Variants in GPR107 observed in about 807,000 individuals in gnomAD.
The protein encoded by GPR107 is protein GPR107.
In GPR107, 31 loss-of-function variants were observed where a neutral mutation model predicts 75.5. The ratio of observed to expected loss-of-function variants is 0.41; its 90% CI spans 0.31 to 0.55. The LOEUF is 0.55. Ranked by LOEUF, GPR107 falls within the 20% of genes least tolerant of loss-of-function variation. GPR107 has a pLI of 0.26. For missense variants in GPR107, 572 were observed against 665.7 expected, an observed-to-expected ratio of 0.86 and a Z score of 1.55; for synonymous variants, 267 against 251.3, an observed-to-expected ratio of 1.06 and a Z score of -0.59.
chr9:130,125,452 C>T (rs1476599472), intron 15 of GPR107, among the ~76,000 whole-genome samples: 3 of 150,574 alleles, frequency 2.0e-5, no homozygotes, highest in African/African-American at 7.3e-5. Context: ...AAGATGGACT[C>T]CAACTCCTGG....
At chr9:130,121,364 AT>A (rs1023862725) in intron 14 of GPR107, among the ~76,000 whole-genome samples, 11 of 152,238 alleles carry the variant, frequency 7.2e-5, no homozygotes, top group African/African-American at 2.4e-4. Flanking sequence ...AAAAAATCTT[AT>A]AATGTTTTAA....
intron 1 of GPR107, among the ~76,000 whole-genome samples, chr9:130,058,670 G>A (rs1006998642): frequency 3.5e-4 from 53 of 152,010 alleles, no homozygotes; most frequent in Non-Finnish European, 1.3e-4. Flanking sequence ...TTGCCATGGC[G>A]GCAAGGCTTG....
chr9:130,082,451 C>T (rs1830513934), intron 5 of GPR107, among the ~76,000 whole-genome samples: 1 of 151,296 alleles, frequency 6.6e-6, no homozygotes, highest in Non-Finnish European at 1.5e-5. Context: ...AGCCTGAAGT[C>T]CAGTCTTTCC....
chr9:130,099,305 A>C (rs1830955548), intron 9 of GPR107, 152 bp from the exon 10 acceptor site: 1 of 582,694 alleles, frequency 1.7e-6, no homozygotes, highest in Non-Finnish European at 3.1e-6. Context: ...ACAGAATAAG[A>C]CCCTGTCTCA....
Position 130,135,099 on chromosome 9 carries a change from G to C in GPR107, c.1637G>C (p.Gly546Ala). 1 of 1,608,230 alleles carries C rather than the reference G, an allele frequency of 6.2e-7. No individual in the cohort carries two copies. Among genetic ancestry groups the C allele is most frequent in the Non-Finnish European group, 8.5e-7 (1 of 1,175,964 alleles). Residue 546 changes from glycine to alanine, a missense_variant, in exon 18 of 18, where the codon GGC (glycine) becomes GCC (alanine). Coordinates refer to ENST00000347136, the MANE Select transcript of GPR107 (RefSeq NM_020960.5). ...ACCAACGGCTCCGTGGAGCCCCAGG[G>C]CGAGTGGGAAGGCGCCGTGTGACAG... ...KVTNGSVEPQ[G>A]EWEGAV
At position 130,076,469 on chromosome 9, in the gene GPR107, A is replaced by ATT. The variant is rs774932201; in HGVS notation, c.306+8_306+9dup. The stretch of plus-strand genomic sequence containing the variant: ...TGGCTTTTCTTCTTACCTGGTGAGT[A>ATT]TTAAATGTGTGACCTGATTCATCTC... On this transcript the variant is annotated splice_region_variant and intron_variant, in intron 3 of 17. Transcript: ENST00000347136. 7 of 1,544,294 alleles carry ATT rather than the reference A, an allele frequency of 4.5e-6. No homozygotes were observed. In the East Asian group the frequency reaches 1.6e-4, roughly 35 times the overall value.
In GPR107 at chr9:130,099,489, C is replaced by G; in HGVS notation, c.896C>G (p.Ala299Gly). ...NDVFKIHWLM[A>G]ALPFTKSLSL... The stretch of plus-strand genomic sequence containing the variant: ...GTATTTAAAATCCACTGGCTGATGG[C>G]GGCCCTTCCTTTCACCAAGTCTCTT... The change falls in exon 10 of 18, where the codon GCG (alanine) becomes GGG (glycine). Residue 299 changes from alanine to glycine, a missense_variant. Coordinates refer to ENST00000347136, the MANE Select transcript of GPR107 (RefSeq NM_020960.5). The G allele has an allele frequency of 6.2e-7, 1 of 1,601,846 alleles. No individual in the cohort carries two copies. The highest frequency in any genetic ancestry group is 8.6e-7 in the Non-Finnish European group (1 of 1,169,028).
At position 130,135,928 on chromosome 9, in the gene GPR107, C is replaced by T. The variant is rs1831945781; in HGVS notation, c.*807C>T. 6.6e-6 allele frequency: 1 copy of T among 152,220 alleles called. No individual in the cohort carries two copies. The highest frequency in any genetic ancestry group is 1.5e-5 in the Non-Finnish European group (1 of 68,040). The allele number at this position is 152,220 out of a possible 1,614,324, so 9.4% of individuals were successfully genotyped here. On this transcript the variant is annotated 3_prime_UTR_variant, in exon 18 of 18. Transcript: ENST00000347136. ...TATCCTGTGGCGTTGCCTGGACATC[C>T]ACTCCCTGACAGCCCAGAGCAGCAC...
At chr9:130,070,792 A>C (rs964211139) in intron 1 of GPR107, among the ~76,000 whole-genome samples, 3 of 151,680 alleles carry the variant, frequency 2.0e-5, no homozygotes, top group South Asian at 2.1e-4. Flanking sequence ...ATCATAGCTC[A>C]CAGTAGCCTC....
intron 16 of GPR107, among the ~76,000 whole-genome samples, chr9:130,128,067 A>G (rs1240818805): frequency 6.6e-6 from 1 of 152,222 alleles, no homozygotes; most frequent in African/African-American, 2.4e-5. Context: ...GCTGGATTCT[A>G]TGAGGAATCT....
chr9:130,127,518 A>G lies in GPR107; in HGVS notation c.1392A>G (p.Ala464=). Residue 464 remains alanine, a synonymous_variant, in exon 16 of 18, where the codon GCA becomes GCG. Coordinates refer to ENST00000347136, the MANE Select transcript of GPR107 (RefSeq NM_020960.5). ...ACATATACTTCACTAGGATCATTGC[A>G]TTTCTCCTCAAACTCGCTGTTCCAT... ...VCYIYFTRII[A]FLLKLAVPFQ... is the part of the protein sequence containing the mutation. 1 of 1,603,126 alleles carries G rather than the reference A, an allele frequency of 6.2e-7. No individual in the cohort carries two copies. Among genetic ancestry groups the G allele is most frequent in the Non-Finnish European group, 8.5e-7 (1 of 1,170,052 alleles).
At chr9:130,133,072 G>A (rs542258420) in intron 17 of GPR107, 1 of 152,278 alleles carries the variant, frequency 6.6e-6, no homozygotes, top group Non-Finnish European at 1.5e-5. Flanking sequence ...ACCGAACCCG[G>A]TTCCCAGCAC....
chr9:130,111,357 C>T (rs1271212919), intron 14 of GPR107, among the ~76,000 whole-genome samples: 2 of 152,022 alleles, frequency 1.3e-5, no homozygotes, highest in East Asian at 2.0e-4. Context: ...ATGGCAAAAC[C>T]CCACCTCTAG....
In GPR107 at chr9:130,110,425, A is replaced by G; in HGVS notation, c.1306+2886A>G. The G allele has an allele frequency of 6.8e-7, 1 of 1,469,906 alleles. No individual in the cohort carries two copies. 91.1% of individuals were successfully genotyped at this position (1,469,906 alleles called of 1,614,324 possible). A position where few individuals can be genotyped will look rare whatever the true frequency, so the allele number is the denominator to read the frequency against. ...CGAATCTAAGAGCAGGAAGTCGCAT[A>G]GGTAAACCAGGGTTCACATTCCCCA... On this transcript the variant is annotated intron_variant, in intron 14 of 17. Transcript: ENST00000347136.
chr9:130,065,166 C>T (rs888821497), intron 1 of GPR107, among the ~76,000 whole-genome samples: 10 of 152,184 alleles, frequency 6.6e-5, no homozygotes, highest in South Asian at 2.1e-4. Context: ...AAGTGATATT[C>T]GCAGCCGGGC....
chr9:130,070,710 AT>A (rs1016117182), intron 1 of GPR107, among the ~76,000 whole-genome samples: 10 of 151,518 alleles, frequency 6.6e-5, no homozygotes, highest in East Asian at 1.9e-4. Flanking sequence ...GTGGGTAACA[AT>A]TTTTTTTTCT....
At chr9:130,069,592 T>A (rs951340612) in intron 1 of GPR107, among the ~76,000 whole-genome samples, 2 of 152,210 alleles carry the variant, frequency 1.3e-5, no homozygotes, top group Non-Finnish European at 2.9e-5. Context: ...CATACATATC[T>A]TATTTGACAT....
At chr9:130,082,836 C>A (rs1427620399) in intron 5 of GPR107, among the ~76,000 whole-genome samples, 1 of 151,946 alleles carries the variant, frequency 6.6e-6, no homozygotes, top group Admixed American at 6.6e-5. Context: ...ATGAAAGAAG[C>A]CATTAGCAAT....
Position 130,136,608 on chromosome 9 carries a change from T to C in GPR107, c.*1487T>C, listed in dbSNP as rs1463159183. On this transcript the variant is annotated 3_prime_UTR_variant, in exon 18 of 18. Coordinates refer to ENST00000347136, the MANE Select transcript of GPR107 (RefSeq NM_020960.5). Reference sequence around the variant, plus strand: ...GAAGGGTCAGGCAGAAACCACAGGATGTGGGGTCACACTCACTGTCCCAAG... The same window carrying C: ...GAAGGGTCAGGCAGAAACCACAGGACGTGGGGTCACACTCACTGTCCCAAG... 1 of 152,216 alleles carries C rather than the reference T, an allele frequency of 6.6e-6. No homozygotes were observed. Among genetic ancestry groups the C allele is most frequent in the Non-Finnish European group, 1.5e-5 (1 of 68,040 alleles). The allele number at this position is 152,216 out of a possible 1,614,324, so 9.4% of individuals were successfully genotyped here. A position where few individuals can be genotyped will look rare whatever the true frequency, so the allele number is the denominator to read the frequency against.
Sources: allele counts gnomAD v4.1 joint callset (sites outside exome capture counted in the v4.1 genomes callset), GRCh38; gene constraint gnomAD v4.1.1; transcripts MANE v1.5; gene names NCBI Gene and HGNC (gene_info 2026-07-23, HGNC 2026-07-21).